Variants in POLG observed in about 807,000 individuals in gnomAD.
POLG encodes the protein DNA polymerase subunit gamma-1.
POLG carries 110 observed loss-of-function variants against 155.4 expected under a neutral mutation model. The observed-to-expected ratio is 0.71, with a 90% CI of 0.61 to 0.83. The LOEUF is 0.83. Among genes scored for constraint, POLG ranks in the 40% least tolerant of loss-of-function variants. POLG has a pLI of 0.00. For missense variants in POLG, 1,685 were observed against 1,627.5 expected (o/e 1.04, Z -0.61); for synonymous variants, 701 against 631.5 (o/e 1.11, Z -1.65).
chr15:89,325,420 G>T, intron 10 of POLG, 30 bp downstream of exon 10: 1 of 1,489,082 alleles, frequency 6.7e-7, no homozygotes, highest in Non-Finnish European at 9.3e-7. Context: ...CTAGGCTCCA[G>T]CCCCTTCCTC....
In POLG at chr15:89,328,550, C is replaced by T; in HGVS notation, c.1171-15G>A. The T allele has an allele frequency of 6.2e-7, 1 of 1,613,264 alleles. No individual in the cohort carries two copies. On this transcript the variant is annotated splice_polypyrimidine_tract_variant and intron_variant, in intron 5 of 22. Transcript: ENST00000268124. ...TGCATCAGGTCCTGGCACAAGGTGA[C>T]AGGAAGGCGCAAGGTGGGCAGCCAT...
rs149324249 is a variant in POLG, at chr15:89,333,467, G to C, written c.288C>G (p.Gly96=). 3.7e-6 allele frequency: 6 copies of C among 1,611,684 alleles called. No homozygotes were observed. Among genetic ancestry groups the C allele is most frequent in the Middle Eastern group, 1.6e-4 (1 of 6,062 alleles). The part of the protein sequence containing the change: ...QIFGQGGEMP[G]EAAVRRSVEH... ...CGACGCTGCGGCGCACCGCGGCCTC[G>C]CCAGGCATCTCCCCTCCTTGCCCGA... The change falls in exon 2 of 23, where the codon GGC becomes GGG. Residue 96 remains glycine, a synonymous_variant. Coordinates refer to ENST00000268124, the MANE Select transcript of POLG (RefSeq NM_002693.3).
chr15:89,316,663 C>CAAA lies in POLG; in HGVS notation c.*85_*87dup. On this transcript the variant is annotated 3_prime_UTR_variant, in exon 23 of 23. Transcript: ENST00000268124. Reference sequence around the variant, plus strand: ...GGCTGGCCTTAGGCAAGCCCTTTTGCAAAAAGCACAGCTGAAAGCCTGAGT... The same window carrying CAAA: ...GGCTGGCCTTAGGCAAGCCCTTTTGCAAAAAAAAGCACAGCTGAAAGCCTGAGT... The CAAA allele has an allele frequency of 2.3e-6, 3 of 1,279,734 alleles. No homozygotes were observed. Among genetic ancestry groups the CAAA allele is most frequent in the Non-Finnish European group, 3.4e-6 (3 of 879,712 alleles). The allele number at this position is 1,279,734 out of a possible 1,614,324, so 79.3% of individuals were successfully genotyped here. A position where few individuals can be genotyped will look rare whatever the true frequency, so the allele number is the denominator to read the frequency against.
rs570989155 is a variant in POLG at position 89,333,626 on chromosome 15, C to T, written c.129G>A (p.Gln43=). The T allele has an allele frequency of 2.9e-5, 47 of 1,597,436 alleles. No individual in the cohort carries two copies. The South Asian group carries it at 5.0e-4, about 17-fold the overall frequency. ...GCTGCTGCTGCTGCTGCTGCTGCTG[C>T]TGCCGCCGCCGCTGCCCGTCGCTGG... The part of the protein sequence containing the change: ...SDPSDGQRRR[Q]QQQQQQQQQQ... Residue 43 remains glutamine, a synonymous_variant, in exon 2 of 23, where the codon CAG becomes CAA. Coordinates refer to ENST00000268124, the MANE Select transcript of POLG (RefSeq NM_002693.3).
chr15:89,329,097 C>CG lies in POLG; in HGVS notation c.868dup (p.Arg290ProfsTer98). 3 of 1,612,190 alleles carry CG rather than the reference C, an allele frequency of 1.9e-6. No homozygotes were observed. The highest frequency in any genetic ancestry group is 2.5e-6 in the Non-Finnish European group (3 of 1,179,964). The stretch of plus-strand genomic sequence containing the variant: ...GTGCATGCTCATGGTGTCCAGGAAA[C>CG]GCATGCGGGAACCCTGAGGAGGAGG... On this transcript the variant is annotated frameshift_variant, in exon 4 of 23. Transcript: ENST00000268124. LOFTEE classifies it high-confidence loss of function.
chr15:89,321,386 G>A (rs1362665891), intron 16 of POLG, 126 bp from the exon 17 acceptor site: 1 of 1,106,296 alleles, frequency 9.0e-7, no homozygotes, highest in Non-Finnish European at 1.3e-6. Flanking sequence ...CAGCACTGCT[G>A]AAATTCCACA....
At chr15:89,328,016 G>A (rs1567191796) in intron 6 of POLG, among the ~76,000 whole-genome samples, 1 of 149,096 alleles carries the variant, frequency 6.7e-6, no homozygotes, top group South Asian at 2.1e-4. Flanking sequence ...CCAACAGCAA[G>A]CTATTAGTAG....
chr15:89,324,132 G>C lies in POLG; in HGVS notation c.2045C>G (p.Thr682Ser), dbSNP rs1328436909. ...CGTTTGCCATATGGCACTATTGTCAGTGAGCAGGAACTCCTCCGCCAGGCC... is the reference window on the plus strand; with the variant it reads ...CGTTTGCCATATGGCACTATTGTCACTGAGCAGGAACTCCTCCGCCAGGCC... ...EAGLAEEFLL[T>S]DNSAIWQTVE... is the part of the protein sequence containing the mutation. The change falls in exon 11 of 23, where the codon ACT (threonine) becomes AGT (serine). Residue 682 changes from threonine (T) to serine (S), a missense_variant. By Grantham distance (58) the Thr-to-Ser change is moderately conservative (BLOSUM62 1). This residue lies in a region of POLG where 1,210 missense variants were observed against 1,167.1 expected (regional missense o/e 1.04). Transcript: ENST00000268124. 2 of 1,613,950 alleles carry C rather than the reference G, an allele frequency of 1.2e-6. No individual in the cohort carries two copies. The highest frequency in any genetic ancestry group is 3.3e-5 in the Admixed American group (2 of 60,004).
At chr15:89,323,930 A>C (rs1453690902) in intron 11 of POLG, 29 bp from the exon 12 acceptor site, 3 of 1,581,488 alleles carry the variant, frequency 1.9e-6, no homozygotes, top group Non-Finnish European at 1.7e-6. Context: ...CAAAGTAGTG[A>C]AGCAGGGGAC....
chr15:89,327,083 G>A lies in POLG; in HGVS notation c.1434-20C>T, dbSNP rs751496337. On this transcript the variant is annotated intron_variant, in intron 7 of 22. Coordinates refer to ENST00000268124, the MANE Select transcript of POLG (RefSeq NM_002693.3). ...TTGTACCTACAGAGCCAGTCCACTA[G>A]GGCAGGGCTAAGGCTAAGCCGAAGG... is the stretch of plus-strand genomic sequence containing the variant. 1 of 1,614,206 alleles carries A rather than the reference G, an allele frequency of 6.2e-7. No homozygotes were observed. The highest frequency in any genetic ancestry group is 1.1e-5 in the South Asian group (1 of 91,086).
chr15:89,328,369 G>A, intron 6 of POLG, 87 bp downstream of exon 6: 1 of 1,044,044 alleles, frequency 9.6e-7, no homozygotes, highest in South Asian at 1.3e-5. Context: ...CCCAACCTGA[G>A]ATAGAACCAG....
intron 10 of POLG, among the ~76,000 whole-genome samples, chr15:89,325,000 G>A (rs937897066): frequency 6.6e-6 from 1 of 152,092 alleles, no homozygotes; most frequent in East Asian, 1.9e-4. Flanking sequence ...AGATCCAGAG[G>A]GTAAGGGTAG....
chr15:89,329,970 G>T, intron 3 of POLG, 111 bp downstream of exon 3: 2 of 946,370 alleles, frequency 2.1e-6, no homozygotes, highest in Non-Finnish European at 3.4e-6. Context: ...TGCGGCTTCA[G>T]CAAAGGCAAC....
chr15:89,316,944 T>C (rs182928822), intron 22 of POLG, 117 bp from the exon 23 acceptor site: 32 of 785,762 alleles, frequency 4.1e-5, no homozygotes, highest in East Asian at 3.0e-4. Flanking sequence ...TTGAGAACAA[T>C]TGCCACGAAC....
chr15:89,324,155 G>T lies in POLG; in HGVS notation c.2022C>A (p.Gly674=), dbSNP rs778484334. The change falls in exon 11 of 23, where the codon GGC becomes GGA. Residue 674 remains glycine (G), a synonymous_variant. Transcript: ENST00000268124. ...CAGTGAGCAGGAACTCCTCCGCCAG[G>T]CCGGCCTCCTGGGGCATCAGCTGCT... The part of the protein sequence containing the change: ...GKQQLMPQEA[G]LAEEFLLTDN... 1.2e-6 allele frequency: 2 copies of T among 1,613,974 alleles called. No homozygotes were observed. Among genetic ancestry groups the T allele is most frequent in the South Asian group, 2.2e-5 (2 of 91,086 alleles).
chr15:89,329,338 T>C (rs1226755708), intron 3 of POLG, among the ~76,000 whole-genome samples: 1 of 152,244 alleles, frequency 6.6e-6, no homozygotes, highest in Non-Finnish European at 1.5e-5. Context: ...CCCTTTAAGA[T>C]GCAGGCCTGG....
intron 18 of POLG, 144 bp from the exon 19 acceptor site, chr15:89,319,494 GA>G (rs2055363015): frequency 4.4e-6 from 5 of 1,136,916 alleles, no homozygotes; most frequent in African/African-American, 1.5e-5. Flanking sequence ...TTCAGAGGAA[GA>G]AACGGCTCAG....
Position 89,321,830 on chromosome 15 carries a change from C to T in POLG, c.2504G>A (p.Gly835Asp). Residue 835 changes from glycine (G) to aspartate (D), a missense_variant, in exon 16 of 23, where the codon GGC (glycine) becomes GAC (aspartate). Coordinates refer to ENST00000268124, the MANE Select transcript of POLG (RefSeq NM_002693.3). ...TTGGGGCAGGATGGCCCCATAGAGG[C>T]CTTCCTCATCATAGTCGGGGTGCCT... ...VIRHPDYDEE[G>D]LYGAILPQVV... The T allele has an allele frequency of 1.2e-6, 2 of 1,614,050 alleles. No individual in the cohort carries two copies. Among genetic ancestry groups the T allele is most frequent in the Non-Finnish European group, 1.7e-6 (2 of 1,179,934 alleles).
intron 9 of POLG, 130 bp from the exon 10 acceptor site, chr15:89,325,816 C>A: frequency 1.3e-6 from 1 of 769,922 alleles, no homozygotes; most frequent in African/African-American, 1.7e-5. Flanking sequence ...CAGCCTACAG[C>A]CGCCATCCCC....
Sources: allele counts gnomAD v4.1 joint callset (sites outside exome capture counted in the v4.1 genomes callset), GRCh38; gene constraint gnomAD v4.1.1; regional missense constraint gnomAD v4.1.1; transcripts MANE v1.5; gene names NCBI Gene and HGNC (gene_info 2026-07-23, HGNC 2026-07-21).